The following NXF2B variants were observed in gnomAD, a reference collection of about 807,000 sequenced individuals.
NXF2B encodes nuclear RNA export factor 2.
At chrX:102,386,225 G>A (rs1197942389) in intron 2 of NXF2B, among the ~76,000 whole-genome samples, 1 of 115,042 alleles carries the variant, frequency 8.7e-6, no homozygotes, top group African/African-American at 3.1e-5. Flanking sequence ...GATTACAGGC[G>A]TGAGCCACCG....
intron 1 of NXF2B, 56 bp from the exon 2 acceptor site, chrX:102,438,730 T>C (rs1318366284): frequency 3.2e-4 from 10 of 30,976 alleles, no homozygotes; most frequent in Admixed American, 2.2e-3. Flanking sequence ...ATAAAATCTG[T>C]AGATTAGTTA....
intron 2 of NXF2B, among the ~76,000 whole-genome samples, chrX:102,397,847 C>G (rs1171484729): frequency 3.5e-5 from 4 of 114,177 alleles, no homozygotes; most frequent in Non-Finnish European, 7.5e-5. Flanking sequence ...AGAACTCGTT[C>G]CTACGAACTC....
chrX:102,388,303 A>G (rs1168694355), intron 2 of NXF2B, among the ~76,000 whole-genome samples: 1 of 1,440 alleles, frequency 6.9e-4, no homozygotes, highest in African/African-American at 7.4e-4. Context: ...TCAGCTTTCT[A>G]TTTAGCTATA....
At chrX:102,397,844 G>A (rs1454131749) in intron 2 of NXF2B, among the ~76,000 whole-genome samples, 5 of 114,014 alleles carry the variant, frequency 4.4e-5, no homozygotes, top group South Asian at 3.4e-4. Context: ...ACAAGAACTC[G>A]TTCCTACGAA....
intron 2 of NXF2B, among the ~76,000 whole-genome samples, chrX:102,412,543 GAAGAAGAAGAAGAAGAAGAAGAAGGAA>G (rs1569471449): frequency 0.028 from 102 of 3,628 alleles, 20 homozygotes; most frequent in South Asian, 0.062. Flanking sequence ...AGAAGAAGAA[GAAGAAGAAGAAGAAGAAGAAGAAGGAA>G]GAAGAGGAAG....
chrX:102,385,996 G>A (rs1216880631), intron 2 of NXF2B, among the ~76,000 whole-genome samples: 1 of 113,889 alleles, frequency 8.8e-6, no homozygotes, highest in Non-Finnish European at 1.9e-5. Context: ...TGCCCAGGCT[G>A]GAGTGCAGTG....
intron 1 of NXF2B, 48 bp downstream of exon 1, chrX:102,439,822 A>G (rs1934486192): frequency 2.4e-5 from 1 of 41,091 alleles, no homozygotes; most frequent in Admixed American, 2.0e-4. Context: ...AAAAAAGGCA[A>G]AAAAGAAAAG....
chrX:102,408,227 AC>A (rs1934366765), intron 2 of NXF2B, among the ~76,000 whole-genome samples: 4 of 17,229 alleles, frequency 2.3e-4, no homozygotes, highest in African/African-American at 2.9e-4. Context: ...GTAACCTCAA[AC>A]CAAAAAAAAA....
At chrX:102,435,914 G>C (rs1442337588) in intron 2 of NXF2B, among the ~76,000 whole-genome samples, 11 of 36,915 alleles carry the variant, frequency 3.0e-4, no homozygotes, top group Admixed American at 4.9e-4. Flanking sequence ...GATCACTGGA[G>C]GCCAGGAGAT....
At chrX:102,397,685 G>A (rs1262439154) in intron 2 of NXF2B, among the ~76,000 whole-genome samples, 1 of 88,319 alleles carries the variant, frequency 1.1e-5, no homozygotes, top group Admixed American at 1.3e-4. Context: ...TTGACAAATG[G>A]GATCTAATTA....
chrX:102,397,848 C>T (rs1374416520), intron 2 of NXF2B, among the ~76,000 whole-genome samples: 1 of 114,196 alleles, frequency 8.8e-6, no homozygotes, highest in Non-Finnish European at 1.9e-5. Flanking sequence ...GAACTCGTTC[C>T]TACGAACTCA....
chrX:102,435,695 T>A, intron 2 of NXF2B, among the ~76,000 whole-genome samples: 1 of 71,114 alleles, frequency 1.4e-5, no homozygotes, highest in African/African-American at 4.7e-5. Flanking sequence ...CATGTGCACT[T>A]AACTTTTGGC....
intron 2 of NXF2B, among the ~76,000 whole-genome samples, chrX:102,392,454 C>A (rs1934288939): frequency 1.0e-5 from 1 of 98,413 alleles, no homozygotes; most frequent in South Asian, 4.0e-4. Flanking sequence ...GAAATTCACC[C>A]CCCACCCCCA....
chrX:102,420,528 A>G (rs1394495996), intron 2 of NXF2B, among the ~76,000 whole-genome samples: 1 of 105,003 alleles, frequency 9.5e-6, no homozygotes, highest in African/African-American at 3.5e-5. Context: ...TATCCCCTTT[A>G]TCATTTTTTA....
At chrX:102,426,659 C>CG (rs1255687765) in intron 2 of NXF2B, 3 of 93,803 alleles carry the variant, frequency 3.2e-5, no homozygotes, top group Non-Finnish European at 6.5e-5. Context: ...TAAGAATAGT[C>CG]GCACTCTTTT....
At chrX:102,377,212 AAGAG>A (rs1934242612) in intron 1 of NXF2B, among the ~76,000 whole-genome samples, 1 of 75,125 alleles carries the variant, frequency 1.3e-5, no homozygotes, top group Non-Finnish European at 2.5e-5. Flanking sequence ...GAGAGAGAGA[AAGAG>A]AGTGTGTGCG....
intron 2 of NXF2B, among the ~76,000 whole-genome samples, chrX:102,397,690 T>C (rs1934330597): frequency 1.1e-5 from 1 of 88,774 alleles, no homozygotes; most frequent in African/African-American, 4.2e-5. Context: ...AAATGGGATC[T>C]AATTAAACTA....
intron 2 of NXF2B, among the ~76,000 whole-genome samples, chrX:102,398,345 G>C (rs1331078476): frequency 6.2e-5 from 2 of 32,156 alleles, no homozygotes; most frequent in African/African-American, 3.1e-4. Flanking sequence ...ACCATTCTGG[G>C]AAACGGTATG....
At chrX:102,398,117 A>G (rs1247917369) in intron 2 of NXF2B, among the ~76,000 whole-genome samples, 1 of 87,336 alleles carries the variant, frequency 1.1e-5, no homozygotes, top group Non-Finnish European at 2.2e-5. Context: ...AAAAAAAAAA[A>G]AAAGAAAAGA....
Sources: gnomAD v4.1 joint callset for allele counts (sites outside exome capture counted in the v4.1 genomes callset) on GRCh38, gnomAD v4.1.1 for gene constraint, MANE v1.5 for transcripts, NCBI Gene and HGNC (gene_info 2026-07-23, HGNC 2026-07-21) for gene names.